Variants in COMMD7 observed in about 807,000 individuals in gnomAD.
The protein encoded by COMMD7 is COMM domain-containing protein 7.
Under a neutral mutation model 34.8 loss-of-function variants are expected in COMMD7, and 28 were observed. The ratio of observed to expected loss-of-function variants is 0.80; its 90% CI spans 0.60 to 1.10. The LOEUF (loss-of-function observed/expected upper bound fraction) is 1.10. Ranked by LOEUF, COMMD7 falls within the 50% of genes least tolerant of loss-of-function variation. The pLI is 0.00. For missense variants in COMMD7, 211 were observed against 241.6 expected, an observed-to-expected ratio of 0.87 and a Z score of 0.84; for synonymous variants, 80 against 86.4, an observed-to-expected ratio of 0.93 and a Z score of 0.41.
At chr20:32,733,139 C>A (rs1056014587) in intron 1 of COMMD7, among the ~76,000 whole-genome samples, 2 of 149,866 alleles carry the variant, frequency 1.3e-5, no homozygotes, top group African/African-American at 2.5e-5. Context: ...TACTTCAACC[C>A]AGGAGGCGGA....
chr20:32,703,195 A>G lies in COMMD7; in HGVS notation c.*187T>C, dbSNP rs1350953916. ...GCCCTAACAGAGAGTTTACAGGGTA[A>G]TTGTGTTGGGCTCTTTCAGTACTTA... On this transcript the variant is annotated 3_prime_UTR_variant, in exon 9 of 9. Coordinates refer to ENST00000278980, the MANE Select transcript of COMMD7 (RefSeq NM_053041.3). 7 of 498,190 alleles carry G rather than the reference A, an allele frequency of 1.4e-5. No homozygotes were observed. Among genetic ancestry groups the G allele is most frequent in the Non-Finnish European group, 2.1e-5 (6 of 281,754 alleles). The allele number at this position is 498,190 out of a possible 1,614,324, so 30.9% of individuals were successfully genotyped here. A position where few individuals can be genotyped will look rare whatever the true frequency, so the allele number is the denominator to read the frequency against.
chr20:32,703,934 G>C, intron 8 of COMMD7, 89 bp downstream of exon 8: 1 of 1,600,128 alleles, frequency 6.2e-7, no homozygotes, highest in East Asian at 2.2e-5. Context: ...TGTTTTTATA[G>C]AAGACATGAT....
At chr20:32,735,299 TA>T (rs1986077657) in intron 1 of COMMD7, among the ~76,000 whole-genome samples, 1 of 151,942 alleles carries the variant, frequency 6.6e-6, no homozygotes, top group Non-Finnish European at 1.5e-5. Context: ...TTTATTTCTA[TA>T]AAAATAACTA....
intron 1 of COMMD7, among the ~76,000 whole-genome samples, chr20:32,734,370 G>A (rs1177145828): frequency 1.6e-4 from 25 of 151,578 alleles, no homozygotes; most frequent in Admixed American, 4.6e-4. Flanking sequence ...CTACTCGGGA[G>A]GCTGAGGCAG....
intron 1 of COMMD7, among the ~76,000 whole-genome samples, chr20:32,733,537 G>C (rs1255754917): frequency 6.6e-6 from 1 of 151,936 alleles, no homozygotes; most frequent in Non-Finnish European, 1.5e-5. Flanking sequence ...TAGCTAACAT[G>C]GTGAAACCCC....
chr20:32,737,498 C>A (rs1352625174), intron 1 of COMMD7, among the ~76,000 whole-genome samples: 1 of 151,558 alleles, frequency 6.6e-6, no homozygotes, highest in East Asian at 1.9e-4. Context: ...TAGAATGAGA[C>A]CCTGTCTCAA....
At chr20:32,726,874 CT>C (rs1985538745) in intron 3 of COMMD7, among the ~76,000 whole-genome samples, 1 of 152,120 alleles carries the variant, frequency 6.6e-6, no homozygotes, top group African/African-American at 2.4e-5. Flanking sequence ...AGGAAAGAAC[CT>C]TCACTAAGAT....
At chr20:32,741,184 G>A (rs1237431563) in intron 1 of COMMD7, among the ~76,000 whole-genome samples, 1 of 151,668 alleles carries the variant, frequency 6.6e-6, no homozygotes, top group Non-Finnish European at 1.5e-5. Flanking sequence ...GTAGGCTAAG[G>A]TCAACTTATC....
chr20:32,703,191 G>C lies in COMMD7; in HGVS notation c.*191C>G. On this transcript the variant is annotated 3_prime_UTR_variant, in exon 9 of 9. Transcript: ENST00000278980. ...GGTTGCCCTAACAGAGAGTTTACAG[G>C]GTAATTGTGTTGGGCTCTTTCAGTA... is the stretch of plus-strand genomic sequence containing the variant. The C allele has an allele frequency of 2.0e-6, 1 of 494,790 alleles. No individual in the cohort carries two copies. The allele number at this position is 494,790 out of a possible 1,614,324, so 30.6% of individuals were successfully genotyped here.
intron 3 of COMMD7, among the ~76,000 whole-genome samples, chr20:32,712,293 A>AAG (rs1568776389): frequency 4.4e-4 from 65 of 146,986 alleles, no homozygotes; most frequent in African/African-American, 1.2e-3. Context: ...AAAAAAAAAA[A>AAG]AGAGAGAGAT....
At chr20:32,737,362 T>G (rs1247216789) in intron 1 of COMMD7, among the ~76,000 whole-genome samples, 1 of 19,006 alleles carries the variant, frequency 5.3e-5, no homozygotes, top group Non-Finnish European at 2.1e-4. Flanking sequence ...AGAGCAAGAC[T>G]CCGTCTCAAA....
intron 1 of COMMD7, among the ~76,000 whole-genome samples, chr20:32,733,936 A>G (rs186946146): frequency 7.4e-4 from 110 of 149,444 alleles, no homozygotes; most frequent in African/African-American, 2.6e-3. Context: ...CCCAATACTT[A>G]GGGAGGCCGA....
chr20:32,714,376 G>A (rs28595020), intron 3 of COMMD7, among the ~76,000 whole-genome samples: 59,845 of 151,860 alleles, frequency 0.39, 12,000 homozygotes, highest in South Asian at 0.47. Flanking sequence ...TCACCCACAG[G>A]GGCCAGATAT....
rs1462539856 is a variant in COMMD7 at position 32,702,812 on chromosome 20, G to A, written c.*570C>T. 3.9e-5 allele frequency: 6 copies of A among 152,244 alleles called. No individual in the cohort carries two copies. The highest frequency in any genetic ancestry group is 7.3e-5 in the Non-Finnish European group (5 of 68,062). The allele number at this position is 152,244 out of a possible 1,614,324, so 9.4% of individuals were successfully genotyped here. ...GTTACGACATGACAGGGCAAAACCA[G>A]AAGTAGGGACAGAGTTTAGCCTCAG... On this transcript the variant is annotated 3_prime_UTR_variant, in exon 9 of 9. Coordinates refer to ENST00000278980, the MANE Select transcript of COMMD7 (RefSeq NM_053041.3).
In COMMD7 at chr20:32,740,681, T is replaced by G. The variant is rs919822674; in HGVS notation, c.84+2627A>C. 3.3e-5 allele frequency among the ~76,000 whole-genome samples: 5 copies of G among 151,344 alleles called. No individual in the cohort carries two copies. In the East Asian group the frequency reaches 9.8e-4, roughly 30 times the overall value. The stretch of plus-strand genomic sequence containing the variant: ...GGCAAAACTCTGTCTTTACAAAAAA[T>G]ACAAAAATTAGCCAGGTATGGTGGC... On this transcript the variant is annotated intron_variant, in intron 1 of 8. Transcript: ENST00000278980.
chr20:32,720,924 T>C (rs1985113648), intron 3 of COMMD7, among the ~76,000 whole-genome samples: 1 of 152,184 alleles, frequency 6.6e-6, no homozygotes, highest in Admixed American at 6.6e-5. Context: ...CTTCTAACTA[T>C]GGCTTAGGAA....
At chr20:32,731,639 C>T (rs1427685817) in intron 1 of COMMD7, among the ~76,000 whole-genome samples, 2 of 152,188 alleles carry the variant, frequency 1.3e-5, no homozygotes, top group Admixed American at 6.6e-5. Context: ...CAATTTTCAA[C>T]TCTGATAAGG....
At chr20:32,726,351 T>C (rs1250486472) in intron 3 of COMMD7, among the ~76,000 whole-genome samples, 1 of 150,970 alleles carries the variant, frequency 6.6e-6, no homozygotes, top group African/African-American at 2.4e-5. Context: ...GAGCCAAGAT[T>C]CTGCACTGCA....
chr20:32,728,871 T>A (rs1985677544), intron 1 of COMMD7, among the ~76,000 whole-genome samples: 1 of 152,080 alleles, frequency 6.6e-6, no homozygotes, highest in African/African-American at 2.4e-5. Flanking sequence ...GGCCTCATAT[T>A]TTCTTGGGTT....
Sources: allele counts gnomAD v4.1 joint callset (sites outside exome capture counted in the v4.1 genomes callset), GRCh38; gene constraint gnomAD v4.1.1; transcripts MANE v1.5; gene names NCBI Gene and HGNC (gene_info 2026-07-23, HGNC 2026-07-21).